Variants in WDR86 observed in about 807,000 individuals in gnomAD.
WDR86 encodes WD repeat domain 86, also known as WD repeat-containing protein 86.
In WDR86, 30 loss-of-function variants were observed where a neutral mutation model predicts 36.5. That is an observed-to-expected ratio of 0.82 (90% CI 0.61 to 1.11). The LOEUF is 1.11. WDR86 is among the 50% of genes most tolerant of loss of function. The pLI, the probability that WDR86 is intolerant of heterozygous loss-of-function variation, is 0.00. For missense variants in WDR86, 545 were observed against 561.2 expected (o/e 0.97, Z 0.29); for synonymous variants, 255 against 252.9 (o/e 1.01, Z -0.08).
exon 2 of WDR86, chr7:151,375,939 A>G: frequency 6.2e-7 from 1 of 1,607,108 alleles, no homozygotes; most frequent in East Asian, 2.2e-5. Flanking sequence ...GAAAACATTG[A>G]CCGAGTGAGT....
chr7:151,369,421 A>G, the WDR86 span, among the ~76,000 whole-genome samples: 1 of 152,178 alleles, frequency 6.6e-6, no homozygotes, highest in African/African-American at 2.4e-5. Flanking sequence ...ACCATAGTGT[A>G]TTTCTGGAAG....
chr7:151,404,187 T>C (rs909396891), intron 1 of WDR86, among the ~76,000 whole-genome samples: 9 of 151,878 alleles, frequency 5.9e-5, no homozygotes, highest in African/African-American at 2.2e-4. Flanking sequence ...TGTAAATGCA[T>C]ACAAATATTG....
In WDR86 at chr7:151,395,797, C is replaced by T. The variant is rs2150810392; in HGVS notation, c.705G>A (p.Arg235=). 6.4e-7 allele frequency: 1 copy of T among 1,563,640 alleles called. No homozygotes were observed. Among genetic ancestry groups the T allele is most frequent in the Non-Finnish European group, 8.6e-7 (1 of 1,156,102 alleles). ...TCACCTCCAGACAGATGACGGAGCC[C>T]CGGTGCTCCCGGAACACCCGCAGCT... ...GEQLRVFREH[R]GSVICLELVN... The change falls in exon 3 of 6, where the codon CGG becomes CGA. Residue 235 remains arginine, a synonymous_variant. Transcript: ENST00000334493.
downstream of WDR86, chr7:151,381,041 C>T (rs546141021): frequency 1.3e-5 from 11 of 842,206 alleles, no homozygotes; most frequent in Middle Eastern, 4.7e-4. This position sits in a 1 kb window ranked among gnomAD's most constrained non-coding sequence, Gnocchi z 4.8. Context: ...GCAGGAGGCC[C>T]GCCGCCCTGG....
downstream of WDR86, chr7:151,376,198 C>CTGTT (rs1306643520): frequency 6.1e-6 from 3 of 494,954 alleles, no homozygotes; most frequent in African/African-American, 5.8e-5. Context: ...CTATGCACCA[C>CTGTT]TGTTTGCATC....
chr7:151,394,859 C>G (rs1283966937), intron 3 of WDR86, among the ~76,000 whole-genome samples: 1 of 152,260 alleles, frequency 6.6e-6, no homozygotes, highest in African/African-American at 2.4e-5. Context: ...CCCCCAGGCA[C>G]CGGGATGTTC....
intron 1 of WDR86, among the ~76,000 whole-genome samples, chr7:151,407,254 G>A (rs897448098): frequency 1.3e-5 from 2 of 152,224 alleles, no homozygotes; most frequent in African/African-American, 4.8e-5. Flanking sequence ...AGTACCTCAA[G>A]GGGACAAGCA....
chr7:151,390,891 A>G lies in WDR86; in HGVS notation c.726+4885T>C, dbSNP rs996474970. On this transcript the variant is annotated intron_variant, in intron 3 of 5. Transcript: ENST00000334493. This position sits in a 1 kb window ranked among gnomAD's most constrained non-coding sequence, Gnocchi z 4.5. ...GCGGGTGCCCGGGGCATGGAAGAGC[A>G]GCGGGGAGTCAGTGTTTAATGGGGA... Among the ~76,000 whole-genome samples the G allele has an allele frequency of 6.6e-6, 1 of 152,260 alleles. No individual in the cohort carries two copies. Among genetic ancestry groups the G allele is most frequent in the Middle Eastern group, 3.2e-3 (1 of 316 alleles).
intron 3 of WDR86, 154 bp from the exon 4 acceptor site, chr7:151,385,377 C>G: frequency 7.4e-7 from 1 of 1,349,724 alleles, no homozygotes; most frequent in Non-Finnish European, 9.9e-7. Context: ...ACCAGACTGC[C>G]CACTTCAGCA....
chr7:151,405,881 G>A lies in WDR86; in HGVS notation c.163+3546C>T, dbSNP rs192409789. On this transcript the variant is annotated intron_variant, in intron 1 of 5. Transcript: ENST00000334493. The surrounding 1 kb of genome is among the most constrained non-coding windows in gnomAD (Gnocchi z 4.7). Reference sequence around the variant, plus strand: ...CTCATGTTAGAAGACGAGGAAGCGTGTGGGACAGCCACAGTGGGCTGCCAC... The same window carrying A: ...CTCATGTTAGAAGACGAGGAAGCGTATGGGACAGCCACAGTGGGCTGCCAC... Among the ~76,000 whole-genome samples, 56 of 152,318 alleles carry A rather than the reference G, an allele frequency of 3.7e-4. No homozygotes were observed. Among genetic ancestry groups the A allele is most frequent in the African/African-American group, 1.3e-3 (54 of 41,568 alleles).
chr7:151,376,926 C>T (rs987097400), downstream of WDR86: 52 of 1,428,752 alleles, frequency 3.6e-5, no homozygotes, highest in Middle Eastern at 5.6e-4. Context: ...CTGACGTCAC[C>T]GGGCCGGCCA....
chr7:151,376,807 C>T (rs773550729), downstream of WDR86: 21 of 1,581,286 alleles, frequency 1.3e-5, no homozygotes, highest in South Asian at 9.2e-5. Flanking sequence ...CTTCTGACTC[C>T]GCAGGTAGGT....
At chr7:151,378,379 G>C (rs372112556), downstream of WDR86, 1 of 152,214 alleles carries the variant, frequency 6.6e-6, no homozygotes, top group African/African-American at 2.4e-5. Flanking sequence ...TGGACTGATG[G>C]GAATCTTCTT....
rs1164916981 is a variant in WDR86, at chr7:151,406,452, G to A, written c.163+2975C>T. ...CACTCTGCTCGAGAAATCCAGGACC[G>A]GCCAACCACAGGCTCTTGTGGGCCC... On this transcript the variant is annotated intron_variant, in intron 1 of 5. Coordinates refer to ENST00000334493, the MANE Select transcript of WDR86 (RefSeq NM_198285.3). The surrounding 1 kb of genome is among the most constrained non-coding windows in gnomAD (Gnocchi z 4.4). Among the ~76,000 whole-genome samples, 2 of 152,156 alleles carry A rather than the reference G, an allele frequency of 1.3e-5. No individual in the cohort carries two copies. Among genetic ancestry groups the A allele is most frequent in the South Asian group, 2.1e-4 (1 of 4,830 alleles).
At chr7:151,385,448 G>A (rs1485188866) in intron 3 of WDR86, among the ~76,000 whole-genome samples, 3 of 152,304 alleles carry the variant, frequency 2.0e-5, no homozygotes, top group African/African-American at 4.8e-5. Context: ...AGGGCTGGCC[G>A]CCCAGCCCCA....
chr7:151,371,039 A>T (rs987448828), downstream of WDR86, among the ~76,000 whole-genome samples: 1 of 152,124 alleles, frequency 6.6e-6, no homozygotes, highest in African/African-American at 2.4e-5. Flanking sequence ...GGTCTTTTAA[A>T]GTATAGTGGA....
chr7:151,395,634 G>A (rs540699195), intron 3 of WDR86, 142 bp downstream of exon 3: 47 of 1,038,054 alleles, frequency 4.5e-5, no homozygotes, highest in Middle Eastern at 3.2e-4. Flanking sequence ...CCCCAGGACC[G>A]CAAGGCCTCC....
At chr7:151,374,743 C>G (rs1383717607), downstream of WDR86, 1 of 171,644 alleles carries the variant, frequency 5.8e-6, no homozygotes, top group Non-Finnish European at 1.3e-5. Context: ...ACCTGGGCCA[C>G]TTCCTTCCCT....
rs1801080684 is a variant in WDR86, at chr7:151,409,844, G to A, written c.-255C>T. 2.9e-5 allele frequency: 35 copies of A among 1,227,832 alleles called. No individual in the cohort carries two copies. The highest frequency in any genetic ancestry group is 3.4e-5 in the Non-Finnish European group (34 of 986,020). The allele number at this position is 1,227,832 out of a possible 1,614,324, so 76.1% of individuals were successfully genotyped here. On this transcript the variant is annotated 5_prime_UTR_variant, in exon 1 of 6. Coordinates refer to ENST00000334493, the MANE Select transcript of WDR86 (RefSeq NM_198285.3). This position sits in a 1 kb window ranked among gnomAD's most constrained non-coding sequence, Gnocchi z 5.2. ...ACCTCCGCCCTGGGTAGAGTCCTGG[G>A]CGCGCGGGCAGAGAGAACCCCCTTC... is the stretch of plus-strand genomic sequence containing the variant.
Sources: allele counts gnomAD v4.1 joint callset (sites outside exome capture counted in the v4.1 genomes callset), GRCh38; gene constraint gnomAD v4.1.1; non-coding constraint Gnocchi (gnomAD v3.1); transcripts MANE v1.5; gene names NCBI Gene and HGNC (gene_info 2026-07-23, HGNC 2026-07-21).